Variants in PLCB4 observed in about 807,000 individuals in gnomAD.
The protein encoded by PLCB4 is phospholipase C beta 4.
A neutral mutation model predicts 178.8 loss-of-function variants in PLCB4; 77 were observed. That is an observed-to-expected ratio of 0.43 (90% CI 0.36 to 0.52). The LOEUF (loss-of-function observed/expected upper bound fraction) is 0.52, where lower values mean the gene tolerates loss of function less well. Among genes scored for constraint, PLCB4 ranks in the 20% least tolerant of loss-of-function variants. The probability of loss-of-function intolerance (pLI) is 0.00; values close to 1 mark genes in which losing one functional copy is unlikely to be tolerated. For synonymous variants in PLCB4, 496 were observed against 490.8 expected (o/e 1.01, Z -0.14); for missense variants, 1,024 against 1,453.4 (o/e 0.70, Z 4.80).
intron 35 of PLCB4, among the ~76,000 whole-genome samples, chr20:9,461,000 G>C (rs2043353837): frequency 6.6e-6 from 1 of 152,120 alleles, no homozygotes; most frequent in South Asian, 2.1e-4. Context: ...AAATGCTCTT[G>C]ATTCACTATG....
In PLCB4 at chr20:9,473,775, G is replaced by A. The variant is rs372643265; in HGVS notation, c.3495+410G>A. 3.9e-5 allele frequency among the ~76,000 whole-genome samples: 6 copies of A among 152,140 alleles called. No homozygotes were observed. The East Asian group carries it at 1.2e-3, about 29-fold the overall frequency. On this transcript the variant is annotated intron_variant, in intron 38 of 39. Transcript: ENST00000378473. Reference sequence around the variant, plus strand: ...CTATTTTCAAACTCAATCTGAAAACGAAGTTTAAAAACCTCCCTGGGACTT... The same window carrying A: ...CTATTTTCAAACTCAATCTGAAAACAAAGTTTAAAAACCTCCCTGGGACTT...
At chr20:9,293,391 G>GAAGGA (rs1382844868) in intron 3 of PLCB4, among the ~76,000 whole-genome samples, 2 of 146,858 alleles carry the variant, frequency 1.4e-5, no homozygotes, top group Non-Finnish European at 3.0e-5. Flanking sequence ...GAAGGAAAGG[G>GAAGGA]AAGGAAAGGA....
chr20:9,154,911 C>CCTTCCTTG (rs1215456006), intron 2 of PLCB4, among the ~76,000 whole-genome samples: 9 of 102,846 alleles, frequency 8.8e-5, no homozygotes, highest in African/African-American at 3.5e-4. Flanking sequence ...TTCCCTCCTT[C>CCTTCCTTG]CTTCCTTCCT....
chr20:9,230,261 A>T (rs1189057189), intron 3 of PLCB4, among the ~76,000 whole-genome samples: 1 of 152,156 alleles, frequency 6.6e-6, no homozygotes, highest in East Asian at 1.9e-4. Flanking sequence ...CTCTTTAAAG[A>T]TACAGCCAAA....
intron 2 of PLCB4, among the ~76,000 whole-genome samples, chr20:9,101,275 G>T (rs1453497636): frequency 6.6e-6 from 1 of 152,238 alleles, no homozygotes; most frequent in East Asian, 1.9e-4. Flanking sequence ...GAAACCCCAG[G>T]CTCTATCGTC....
intron 10 of PLCB4, 51 bp downstream of exon 10, chr20:9,371,346 T>G (rs780760151): frequency 3.1e-6 from 3 of 953,848 alleles, no homozygotes; most frequent in East Asian, 2.4e-5. Flanking sequence ...TTTATTTATC[T>G]TCTCATATGT....
chr20:9,239,767 A>G (rs963005606), intron 3 of PLCB4, among the ~76,000 whole-genome samples: 2 of 152,164 alleles, frequency 1.3e-5, no homozygotes, highest in African/African-American at 2.4e-5. Flanking sequence ...TGAGTCTCAA[A>G]ACCTCAAAAG....
intron 27 of PLCB4, among the ~76,000 whole-genome samples, 156 bp from the exon 28 acceptor site, chr20:9,423,592 C>T (rs1461806499): frequency 2.6e-5 from 4 of 152,214 alleles, no homozygotes; most frequent in Non-Finnish European, 4.4e-5. Flanking sequence ...CACTGTAGCT[C>T]ATGCAGTACA....
At chr20:9,111,168 C>T (rs914700514) in intron 2 of PLCB4, among the ~76,000 whole-genome samples, 9 of 152,124 alleles carry the variant, frequency 5.9e-5, no homozygotes, top group African/African-American at 2.2e-4. Context: ...TGAAAGGGCT[C>T]TATGACTCTT....
chr20:9,116,542 T>A (rs2091785188), intron 2 of PLCB4, among the ~76,000 whole-genome samples: 1 of 152,166 alleles, frequency 6.6e-6, no homozygotes, highest in South Asian at 2.1e-4. Context: ...CAAGGTGCGC[T>A]GGACATAGAA....
chr20:9,406,494 T>G (rs1263929076), intron 21 of PLCB4, among the ~76,000 whole-genome samples: 9 of 151,100 alleles, frequency 6.0e-5, no homozygotes, highest in African/African-American at 2.2e-4. Flanking sequence ...ATTGACCATT[T>G]TTTTTTTTTT....
intron 32 of PLCB4, among the ~76,000 whole-genome samples, chr20:9,447,791 TA>T (rs2042505904): frequency 6.6e-6 from 1 of 152,246 alleles, no homozygotes; most frequent in Non-Finnish European, 1.5e-5. Flanking sequence ...CTCAGACTTG[TA>T]ACCACTATAC....
intron 15 of PLCB4, among the ~76,000 whole-genome samples, chr20:9,389,590 A>G (rs1010281128): frequency 9.2e-5 from 14 of 152,214 alleles, no homozygotes; most frequent in African/African-American, 3.1e-4. Context: ...TGGCAGATTA[A>G]CAAGCCACAG....
chr20:9,153,647 A>G (rs998892996), intron 2 of PLCB4, among the ~76,000 whole-genome samples: 4 of 152,162 alleles, frequency 2.6e-5, no homozygotes, highest in African/African-American at 9.7e-5. Flanking sequence ...ATGGCTTTAA[A>G]TTTATTTGTA....
chr20:9,092,606 A>T (rs1291824926), intron 1 of PLCB4, among the ~76,000 whole-genome samples: 1 of 152,192 alleles, frequency 6.6e-6, no homozygotes, highest in East Asian at 1.9e-4. Flanking sequence ...GAGTGATAGA[A>T]AACAGCAGCC....
chr20:9,303,558 ACAC>A (rs1228175655), intron 3 of PLCB4, among the ~76,000 whole-genome samples: 1 of 152,208 alleles, frequency 6.6e-6, no homozygotes, highest in African/African-American at 2.4e-5. Context: ...TGTGTATAAT[ACAC>A]CACATTTTCT....
intron 3 of PLCB4, among the ~76,000 whole-genome samples, chr20:9,288,152 C>T (rs953246632): frequency 2.0e-5 from 3 of 152,084 alleles, no homozygotes; most frequent in African/African-American, 7.2e-5. Flanking sequence ...TTATAACTTT[C>T]ATATTCTTCA....
chr20:9,308,822 G>T (rs913533951), intron 4 of PLCB4, among the ~76,000 whole-genome samples: 7 of 152,124 alleles, frequency 4.6e-5, no homozygotes, highest in Non-Finnish European at 7.4e-5. Flanking sequence ...GCTAAGGATG[G>T]ACCTAAACAT....
chr20:9,473,204 A>T (rs1228517171), intron 37 of PLCB4, 75 bp from the exon 38 acceptor site: 1 of 848,266 alleles, frequency 1.2e-6, no homozygotes, highest in Non-Finnish European at 1.8e-6. Flanking sequence ...ATAAAGTTAC[A>T]AGTCATCTCT....
Sources: gnomAD v4.1 joint callset for allele counts (sites outside exome capture counted in the v4.1 genomes callset) on GRCh38, gnomAD v4.1.1 for gene constraint, MANE v1.5 for transcripts, NCBI Gene and HGNC (gene_info 2026-07-23, HGNC 2026-07-21) for gene names.